The following USH2A variants were observed in gnomAD, a reference collection of about 807,000 sequenced individuals.
USH2A encodes the protein Usher syndrome 2A (autosomal recessive, mild).
A neutral mutation model predicts 538.9 loss-of-function variants in USH2A; 443 were observed. The observed-to-expected ratio is 0.82, with a 90% CI of 0.76 to 0.89. USH2A has a LOEUF of 0.89. USH2A is among the 40% of genes least tolerant of loss of function. The pLI is 0.00. For missense variants in USH2A, 6,633 were observed against 6,324.8 expected (o/e 1.05, Z -1.65); for synonymous variants, 2,413 against 2,273.5 (o/e 1.06, Z -1.75).
At chr1:215,910,195 C>T (rs1458697062) in intron 38 of USH2A, among the ~76,000 whole-genome samples, 3 of 151,912 alleles carry the variant, frequency 2.0e-5, no homozygotes, top group Admixed American at 6.6e-5. Flanking sequence ...ATTAGATAAT[C>T]CTGAACATTT....
intron 65 of USH2A, among the ~76,000 whole-genome samples, chr1:215,649,841 G>A (rs1249270385): frequency 6.6e-6 from 1 of 152,208 alleles, no homozygotes; most frequent in African/African-American, 2.4e-5. Flanking sequence ...AAACTTGAGA[G>A]TGACACAAGC....
In USH2A at chr1:215,728,293, A is replaced by C. The variant is rs1262674843; in HGVS notation, c.11803T>G (p.Phe3935Val). 6.2e-7 allele frequency: 1 copy of C among 1,614,164 alleles called. No homozygotes were observed. Among genetic ancestry groups the C allele is most frequent in the East Asian group, 2.2e-5 (1 of 44,880 alleles). The stretch of plus-strand genomic sequence containing the variant: ...CTGACCCGATATTCGTAGAGTGTGA[A>C]AGGCCTCAGGGTGTCTCCTTCATCC... Reference protein sequence around the residue: ...FMDEGDTLRPFTLYEYRVRAC... With the variant: ...FMDEGDTLRPVTLYEYRVRAC... Residue 3935 changes from phenylalanine (F) to valine (V), a missense_variant, in exon 61 of 72, where the codon TTC becomes GTC. Physicochemically the swap from Phe to Val is conservative, Grantham distance 50. Coordinates refer to ENST00000307340, the MANE Select transcript of USH2A (RefSeq NM_206933.4).
chr1:215,905,691 G>A (rs1480531942), intron 38 of USH2A, among the ~76,000 whole-genome samples: 3 of 151,984 alleles, frequency 2.0e-5, no homozygotes, highest in African/African-American at 7.2e-5. Context: ...GTTCATCCAG[G>A]TTAATGATGT....
At chr1:216,068,383 C>T (rs2031450096) in intron 30 of USH2A, among the ~76,000 whole-genome samples, 1 of 152,048 alleles carries the variant, frequency 6.6e-6, no homozygotes, top group Non-Finnish European at 1.5e-5. Context: ...GGGAAGAATC[C>T]ACCCAGTCAG....
chr1:215,737,378 G>A (rs1660184160), intron 60 of USH2A, among the ~76,000 whole-genome samples: 1 of 151,744 alleles, frequency 6.6e-6, no homozygotes, highest in African/African-American at 2.4e-5. Context: ...TCTAACAAAT[G>A]TATTTCTCTT....
intron 20 of USH2A, among the ~76,000 whole-genome samples, chr1:216,184,180 C>T (rs908783714): frequency 3.3e-5 from 5 of 151,952 alleles, no homozygotes; most frequent in African/African-American, 9.7e-5. Flanking sequence ...TAAAATGGTG[C>T]CTTTATTCTT....
At chr1:216,280,140 T>C (rs1031615407) in intron 11 of USH2A, among the ~76,000 whole-genome samples, 16 of 149,652 alleles carry the variant, frequency 1.1e-4, no homozygotes, top group Admixed American at 8.8e-4. Flanking sequence ...TCACACTAGA[T>C]GAGGAAATGG....
chr1:216,299,375 T>C (rs2037170266), intron 9 of USH2A, among the ~76,000 whole-genome samples: 1 of 152,090 alleles, frequency 6.6e-6, no homozygotes, highest in Non-Finnish European at 1.5e-5. Context: ...TATAATCCTC[T>C]ATTCTAGATA....
At chr1:215,643,594 C>T (rs968850405) in intron 67 of USH2A, among the ~76,000 whole-genome samples, 5 of 151,666 alleles carry the variant, frequency 3.3e-5, no homozygotes, top group South Asian at 2.1e-4. Flanking sequence ...GACATGATCA[C>T]AGCTCACTGC....
chr1:215,773,484 G>C (rs1036099452), intron 55 of USH2A, among the ~76,000 whole-genome samples: 2 of 112,224 alleles, frequency 1.8e-5, no homozygotes, highest in African/African-American at 4.5e-5. Flanking sequence ...ATGTCTCTCT[G>C]TCTCTCTGTC....
intron 21 of USH2A, among the ~76,000 whole-genome samples, chr1:216,115,015 G>C (rs2032969917): frequency 6.6e-6 from 1 of 151,972 alleles, no homozygotes; most frequent in Non-Finnish European, 1.5e-5. Context: ...TGTATAGAGA[G>C]AGCTCTATCT....
In USH2A at chr1:216,078,180, T is replaced by C. The variant is rs781013699; in HGVS notation, c.5481A>G (p.Gly1827=). 2 of 1,613,758 alleles carry C rather than the reference T, an allele frequency of 1.2e-6. No individual in the cohort carries two copies. Among genetic ancestry groups the C allele is most frequent in the Non-Finnish European group, 1.7e-6 (2 of 1,179,768 alleles). Residue 1827 remains glycine (G), a synonymous_variant, in exon 27 of 72, where the codon GGA becomes GGG. Transcript: ENST00000307340. ...GTGAATTCACCACCAGTGGCTGGTCTCCGGACTCCGATGCATGCTTCATCA... is the reference window on the plus strand; with the variant it reads ...GTGAATTCACCACCAGTGGCTGGTCCCCGGACTCCGATGCATGCTTCATCA... The part of the protein sequence containing the change: ...NGLMKHASES[G]DQPLVVNSPV...
chr1:215,677,598 C>T (rs902449657), intron 62 of USH2A, among the ~76,000 whole-genome samples: 1 of 152,126 alleles, frequency 6.6e-6, no homozygotes, highest in Admixed American at 6.6e-5. Flanking sequence ...GCTTCTCTGC[C>T]TTCATTTTAC....
intron 14 of USH2A, among the ~76,000 whole-genome samples, chr1:216,223,028 A>C (rs1197650785): frequency 6.6e-6 from 1 of 151,480 alleles, no homozygotes; most frequent in Non-Finnish European, 1.5e-5. Flanking sequence ...AAAGCTGGGA[A>C]AATCAAGGAA....
chr1:215,893,043 T>G (rs1414660753), intron 40 of USH2A, among the ~76,000 whole-genome samples: 1 of 152,132 alleles, frequency 6.6e-6, no homozygotes, highest in Non-Finnish European at 1.5e-5. Flanking sequence ...AATGCATTGA[T>G]GTGAGAATTC....
At chr1:216,280,438 A>G (rs2036752390) in intron 11 of USH2A, among the ~76,000 whole-genome samples, 1 of 152,182 alleles carries the variant, frequency 6.6e-6, no homozygotes, top group African/African-American at 2.4e-5. Context: ...TTACAGTTGT[A>G]TGACACAGAC....
At chr1:216,213,701 A>C (rs2035290015) in intron 15 of USH2A, among the ~76,000 whole-genome samples, 1 of 151,978 alleles carries the variant, frequency 6.6e-6, no homozygotes, top group Non-Finnish European at 1.5e-5. Context: ...GATAGGACAC[A>C]AAAACATGAC....
At chr1:216,285,602 G>A (rs1026773587) in intron 11 of USH2A, among the ~76,000 whole-genome samples, 1 of 152,154 alleles carries the variant, frequency 6.6e-6, no homozygotes, top group African/African-American at 2.4e-5. Context: ...GTGAGAAGGG[G>A]GCCACCATCC....
intron 67 of USH2A, among the ~76,000 whole-genome samples, chr1:215,643,600 AC>A (rs1461889084): frequency 6.6e-6 from 1 of 151,596 alleles, no homozygotes; most frequent in African/African-American, 2.4e-5. Context: ...ATCACAGCTC[AC>A]TGCAGCCTTG....
Sources: gnomAD v4.1 joint callset for allele counts (sites outside exome capture counted in the v4.1 genomes callset) on GRCh38, gnomAD v4.1.1 for gene constraint, MANE v1.5 for transcripts, NCBI Gene and HGNC (gene_info 2026-07-23, HGNC 2026-07-21) for gene names.